The following CLVS1 variants were observed in gnomAD, a reference collection of about 807,000 sequenced individuals.
The protein encoded by CLVS1 is clavesin-1.
Under a neutral mutation model 33.1 loss-of-function variants are expected in CLVS1, and 10 were observed. The ratio of observed to expected loss-of-function variants is 0.30; its 90% confidence interval spans 0.19 to 0.51. CLVS1 has a LOEUF of 0.51. CLVS1 is among the 20% of genes least tolerant of loss of function. The pLI, the probability that CLVS1 is intolerant of heterozygous loss-of-function variation, is 0.97. For missense variants in CLVS1, 343 were observed against 433.4 expected, an observed-to-expected ratio of 0.79 and a Z score of 1.85; for synonymous variants, 163 against 166.1, an observed-to-expected ratio of 0.98 and a Z score of 0.14.
chr8:61,065,509 A>G (rs1373983614), intron 1 of CLVS1, among the ~76,000 whole-genome samples: 4 of 152,232 alleles, frequency 2.6e-5, no homozygotes, highest in African/African-American at 9.6e-5. Flanking sequence ...AGTCAGGAGC[A>G]GTAGGGGTTG....
chr8:61,022,142 G>GT, the CLVS1 span, among the ~76,000 whole-genome samples: 2 of 152,176 alleles, frequency 1.3e-5, no homozygotes, highest in Admixed American at 1.3e-4. Flanking sequence ...ATGCTACTGG[G>GT]TTTTTTACGA....
intron 3 of CLVS1, among the ~76,000 whole-genome samples, chr8:61,390,735 G>A (rs1814269383): frequency 6.6e-6 from 1 of 151,862 alleles, no homozygotes; most frequent in Admixed American, 6.6e-5. Context: ...TTTTGATTGG[G>A]GTTTTAAAAC....
At chr8:61,305,311 TC>T (rs1275503780) in intron 2 of CLVS1, among the ~76,000 whole-genome samples, 5 of 151,924 alleles carry the variant, frequency 3.3e-5, no homozygotes, top group Non-Finnish European at 4.4e-5. Context: ...TATTCTTTGT[TC>T]CCCCTTCATC....
At chr8:60,987,183 C>T in the CLVS1 span, among the ~76,000 whole-genome samples, 13 of 152,232 alleles carry the variant, frequency 8.5e-5, no homozygotes, top group East Asian at 1.7e-3. Flanking sequence ...CTGGAGGAGC[C>T]GGGAGGGGAG....
chr8:61,377,567 G>T (rs562470301), intron 3 of CLVS1: 1 of 152,256 alleles, frequency 6.6e-6, no homozygotes, highest in Non-Finnish European at 1.5e-5. Flanking sequence ...GCAGTTATAG[G>T]CAGCTATGTA....
intron 2 of CLVS1, among the ~76,000 whole-genome samples, chr8:61,200,390 G>T (rs1484578900): frequency 2.6e-5 from 4 of 152,176 alleles, no homozygotes; most frequent in Non-Finnish European, 5.9e-5. Flanking sequence ...CAGAGTGCTG[G>T]GATTACAGGC....
chr8:61,171,879 G>A (rs188194061), intron 2 of CLVS1, among the ~76,000 whole-genome samples: 7 of 152,276 alleles, frequency 4.6e-5, no homozygotes, highest in Admixed American at 3.9e-4. Context: ...AGGTTACTGT[G>A]GTGTGGAAGT....
chr8:61,440,579 C>A (rs1158593398), intron 3 of CLVS1, among the ~76,000 whole-genome samples: 1 of 152,158 alleles, frequency 6.6e-6, no homozygotes, highest in African/African-American at 2.4e-5. Flanking sequence ...ATAAAAGGGA[C>A]AATTAGGGAA....
chr8:61,448,429 T>G lies in CLVS1; in HGVS notation c.631-5712T>G, dbSNP rs139640496. Among the ~76,000 whole-genome samples the G allele has an allele frequency of 3.9e-3, 589 of 152,294 alleles. 2 individuals are homozygous for G. Among genetic ancestry groups the G allele is most frequent in the African/African-American group, 0.013 (534 of 41,576 alleles). On this transcript the variant is annotated intron_variant, in intron 3 of 5. Transcript: ENST00000325897. ...CCAAAAAGGAAGGTTTCTTCATTCA[T>G]TTAGTCTATTTTCTCTCTGTAGTTC...
chr8:61,305,759 C>T (rs1810602454), intron 2 of CLVS1, among the ~76,000 whole-genome samples: 1 of 152,060 alleles, frequency 6.6e-6, no homozygotes, highest in Non-Finnish European at 1.5e-5. Context: ...CTTTATGTGT[C>T]CATGTGTTCT....
intron 3 of CLVS1, among the ~76,000 whole-genome samples, chr8:61,438,764 T>C (rs959156993): frequency 6.6e-6 from 1 of 152,206 alleles, no homozygotes; most frequent in South Asian, 2.1e-4. Flanking sequence ...TTAATCATTC[T>C]AAGTAAAGTT....
At chr8:61,236,768 G>A (rs184665071) in intron 2 of CLVS1, among the ~76,000 whole-genome samples, 32 of 152,210 alleles carry the variant, frequency 2.1e-4, no homozygotes, top group African/African-American at 7.7e-4. Context: ...GGAGTTCACC[G>A]ACCTCATTTT....
chr8:61,174,876 C>T (rs1207635695), intron 2 of CLVS1, among the ~76,000 whole-genome samples: 4 of 152,192 alleles, frequency 2.6e-5, no homozygotes. Flanking sequence ...TTACTCTATT[C>T]TATAAGGGTA....
intron 2 of CLVS1, among the ~76,000 whole-genome samples, chr8:61,259,669 T>A (rs1030040315): frequency 6.6e-6 from 1 of 152,246 alleles, no homozygotes; most frequent in East Asian, 1.9e-4. Context: ...GCACGGCACA[T>A]GCAGCAGCAT....
chr8:61,324,090 G>C (rs778381981), intron 2 of CLVS1, among the ~76,000 whole-genome samples: 35 of 152,074 alleles, frequency 2.3e-4, no homozygotes, highest in Non-Finnish European at 3.4e-4. Flanking sequence ...TCTGAATAGT[G>C]CTGCAATGAA....
chr8:61,305,459 A>G (rs1810589120), intron 2 of CLVS1, among the ~76,000 whole-genome samples: 1 of 152,286 alleles, frequency 6.6e-6, no homozygotes, highest in East Asian at 1.9e-4. Flanking sequence ...TATTTCACGT[A>G]ACATAATGGC....
At chr8:61,145,886 T>C (rs1404961188) in intron 2 of CLVS1, among the ~76,000 whole-genome samples, 1 of 152,222 alleles carries the variant, frequency 6.6e-6, no homozygotes, top group Non-Finnish European at 1.5e-5. Flanking sequence ...GTGTTACAAA[T>C]TCCCAGTTCT....
At chr8:61,113,024 A>G (rs189258620) in intron 1 of CLVS1, among the ~76,000 whole-genome samples, 40 of 152,242 alleles carry the variant, frequency 2.6e-4, no homozygotes, top group African/African-American at 8.7e-4. Flanking sequence ...CTGTATTGCT[A>G]TGGCATCTGG....
chr8:60,993,388 G>T, the CLVS1 span, among the ~76,000 whole-genome samples: 1 of 152,222 alleles, frequency 6.6e-6, no homozygotes, highest in Non-Finnish European at 1.5e-5. Flanking sequence ...CTCTAGAAGT[G>T]GTTTCAGACA....
Sources: gnomAD v4.1 joint callset for allele counts (sites outside exome capture counted in the v4.1 genomes callset) on GRCh38, gnomAD v4.1.1 for gene constraint, MANE v1.5 for transcripts, NCBI Gene and HGNC (gene_info 2026-07-23, HGNC 2026-07-21) for gene names.